NALCN: variants seen among roughly 807,000 people sequenced by gnomAD.
The protein encoded by NALCN is sodium leak channel, non-selective.
NALCN carries 111 observed loss-of-function variants against 225.3 expected under a neutral mutation model. That is an observed-to-expected ratio of 0.49 (90% confidence interval 0.42 to 0.58). NALCN has a LOEUF of 0.58. Ranked by LOEUF, NALCN falls within the 20% of genes least tolerant of loss-of-function variation. NALCN has a pLI of 0.00. For missense variants in NALCN, 1,378 were observed against 2,202.4 expected (o/e 0.63, Z 7.49); for synonymous variants, 764 against 769.0 (o/e 0.99, Z 0.11).
intron 7 of NALCN, among the ~76,000 whole-genome samples, chr13:101,318,400 A>C (rs183527914): frequency 5.9e-5 from 9 of 152,312 alleles, no homozygotes; most frequent in Admixed American, 5.9e-4. Context: ...GCATACTGCA[A>C]GTGGTTTCAG....
At chr13:101,204,063 C>T (rs147339183) in intron 13 of NALCN, among the ~76,000 whole-genome samples, 24 of 152,188 alleles carry the variant, frequency 1.6e-4, no homozygotes, top group East Asian at 7.7e-4. Flanking sequence ...GGTGTAGGGT[C>T]CTAGTCTGGG....
In NALCN at chr13:101,347,165, A is replaced by C. The variant is rs559372472; in HGVS notation, c.645-1745T>G. Among the ~76,000 whole-genome samples, 137 of 150,840 alleles carry C rather than the reference A, an allele frequency of 9.1e-4. 1 individual carries two copies. The Middle Eastern group carries it at 0.01, about 11-fold the overall frequency. On this transcript the variant is annotated intron_variant, in intron 6 of 43. Coordinates refer to ENST00000251127, the MANE Select transcript of NALCN (RefSeq NM_052867.4). ...TACACACACACACACACACACACAC[A>C]CCCCATGGCTGGTGATACTTTGCCC...
intron 11 of NALCN, among the ~76,000 whole-genome samples, chr13:101,251,152 G>C (rs1181452466): frequency 6.6e-6 from 1 of 152,068 alleles, no homozygotes; most frequent in Non-Finnish European, 1.5e-5. Context: ...TATTTAGAAA[G>C]AGCTCTCCCA....
At chr13:101,210,075 C>A (rs1336573467) in intron 13 of NALCN, among the ~76,000 whole-genome samples, 2 of 152,218 alleles carry the variant, frequency 1.3e-5, no homozygotes, top group Non-Finnish European at 2.9e-5. Context: ...GTTCTTTCTG[C>A]ATCTGGTCCC....
chr13:101,397,699 TATAA>T (rs781638407), intron 2 of NALCN, among the ~76,000 whole-genome samples: 3 of 151,720 alleles, frequency 2.0e-5, no homozygotes, highest in Non-Finnish European at 4.4e-5. Context: ...ATGTATATTA[TATAA>T]ATATACACAC....
chr13:101,101,281 C>CTTTTTTTTTTT (rs60948311), intron 26 of NALCN, among the ~76,000 whole-genome samples: 26 of 112,368 alleles, frequency 2.3e-4, no homozygotes, highest in African/African-American at 3.2e-4. Flanking sequence ...ATTTTTTTTT[C>CTTTTTTTTTTT]TTTTTTTTTT....
In NALCN at chr13:101,104,685, G is replaced by T. The variant is rs41281138; in HGVS notation, c.2637-35C>A. 217,476 of 1,611,666 alleles carry T rather than the reference G, an allele frequency of 0.13. 15,380 individuals are homozygous for T. The highest frequency in any genetic ancestry group is 0.14 in the Non-Finnish European group (170,078 of 1,178,454). ...ACCAAACAAAATTGAGAAACATAAA[G>T]GTTCCAGGAAAGGCTTCTAAGAGTT... is the stretch of plus-strand genomic sequence containing the variant. On this transcript the variant is annotated intron_variant, in intron 23 of 43. Coordinates refer to ENST00000251127, the MANE Select transcript of NALCN (RefSeq NM_052867.4). The surrounding 1 kb of genome is among the most constrained non-coding windows in gnomAD (Gnocchi z 4.2).
chr13:101,321,332 C>T (rs1437405310), intron 7 of NALCN, among the ~76,000 whole-genome samples: 1 of 151,864 alleles, frequency 6.6e-6, no homozygotes, highest in Non-Finnish European at 1.5e-5. Flanking sequence ...ACCTGAGTGG[C>T]CAATAAACAT....
chr13:101,393,222 C>G (rs893232193), intron 3 of NALCN, among the ~76,000 whole-genome samples: 34 of 152,208 alleles, frequency 2.2e-4, no homozygotes, highest in African/African-American at 6.8e-4. Flanking sequence ...CATCTAACCT[C>G]ACTCTCAAAA....
chr13:101,055,096 T>C lies in NALCN; in HGVS notation c.*199A>G. On this transcript the variant is annotated 3_prime_UTR_variant, in exon 44 of 44. Coordinates refer to ENST00000251127, the MANE Select transcript of NALCN (RefSeq NM_052867.4). ...ATCAGTACTGTCATTATACAAAAAT[T>C]TTTTTGAGCAATGATTGATAGTAAC... is the stretch of plus-strand genomic sequence containing the variant. The C allele has an allele frequency of 8.9e-6, 5 of 560,652 alleles. No homozygotes were observed. Among genetic ancestry groups the C allele is most frequent in the Non-Finnish European group, 1.6e-5 (5 of 318,600 alleles). 34.7% of individuals were successfully genotyped at this position (560,652 alleles called of 1,614,324 possible).
intron 6 of NALCN, among the ~76,000 whole-genome samples, chr13:101,358,191 T>C (rs1162032295): frequency 6.6e-6 from 1 of 152,082 alleles, no homozygotes; most frequent in Admixed American, 6.6e-5. Context: ...TGGGATCTAA[T>C]TAAACTAGAA....
intron 7 of NALCN, among the ~76,000 whole-genome samples, chr13:101,329,993 C>T (rs758671743): frequency 6.6e-6 from 1 of 151,408 alleles, no homozygotes; most frequent in Non-Finnish European, 1.5e-5. Flanking sequence ...GAGCTGAGAT[C>T]ATGCCACTGC....
At chr13:101,103,715 C>A (rs996526488) in intron 25 of NALCN, among the ~76,000 whole-genome samples, 1 of 152,302 alleles carries the variant, frequency 6.6e-6, no homozygotes. Flanking sequence ...TTAATGATCA[C>A]AATTCTCCTT....
At chr13:101,127,775 G>A (rs1223298783) in intron 17 of NALCN, among the ~76,000 whole-genome samples, 2 of 152,070 alleles carry the variant, frequency 1.3e-5, no homozygotes, top group Non-Finnish European at 2.9e-5. Flanking sequence ...TATTTAGATC[G>A]TTATATACTT....
chr13:101,337,820 T>C (rs1368158914), intron 7 of NALCN, among the ~76,000 whole-genome samples: 1 of 152,172 alleles, frequency 6.6e-6, no homozygotes, highest in Non-Finnish European at 1.5e-5. Flanking sequence ...TAGTAGTTTG[T>C]AGATCAAGAG....
At chr13:101,068,945 T>G (rs2032641684) in intron 37 of NALCN, 118 bp from the exon 38 acceptor site, 2 of 1,175,998 alleles carry the variant, frequency 1.7e-6, no homozygotes, top group Non-Finnish European at 2.2e-6. Flanking sequence ...AACTTCAAAG[T>G]AAGCTTTCAA....
In NALCN at chr13:101,231,468, A is replaced by G. The variant is rs576193228; in HGVS notation, c.1435-1884T>C. Among the ~76,000 whole-genome samples the G allele has an allele frequency of 5.3e-5, 8 of 152,372 alleles. No individual in the cohort carries two copies. The East Asian group carries it at 1.5e-3, about 29-fold the overall frequency. On this transcript the variant is annotated intron_variant, in intron 12 of 43. Transcript: ENST00000251127. ...AGTACATAATTAAAAGCTGAAGTATATAGTGTGAAAAATACAACTTTTCAT... is the reference window on the plus strand; with the variant it reads ...AGTACATAATTAAAAGCTGAAGTATGTAGTGTGAAAAATACAACTTTTCAT...
At position 101,229,549 on chromosome 13, in the gene NALCN, A is replaced by T. The variant is rs774530102; in HGVS notation, c.1470T>A (p.Pro490=). Residue 490 remains proline (P), a synonymous_variant, in exon 13 of 44, where the codon CCT becomes CCA. Coordinates refer to ENST00000251127, the MANE Select transcript of NALCN (RefSeq NM_052867.4). ...LRVVRLIKIS[P]ALEDFVYKIF... ...TCTTGTACACAAAGTCTTCTAATGC[A>T]GGTGAAATCTTAATCAGCCGAACTA... 6.2e-7 allele frequency: 1 copy of T among 1,605,518 alleles called. No individual in the cohort carries two copies. Among genetic ancestry groups the T allele is most frequent in the Non-Finnish European group, 8.5e-7 (1 of 1,176,758 alleles).
intron 17 of NALCN, among the ~76,000 whole-genome samples, chr13:101,136,520 G>A (rs1248099308): frequency 1.4e-5 from 2 of 143,860 alleles, no homozygotes; most frequent in Non-Finnish European, 3.0e-5. Flanking sequence ...TGTTCTCATT[G>A]TTCAGTTCCC....
Sources: allele counts gnomAD v4.1 joint callset (sites outside exome capture counted in the v4.1 genomes callset), GRCh38; gene constraint gnomAD v4.1.1; non-coding constraint Gnocchi (gnomAD v3.1); transcripts MANE v1.5; gene names NCBI Gene and HGNC (gene_info 2026-07-23, HGNC 2026-07-21).